ATP2C1: variants seen among roughly 807,000 people sequenced by gnomAD.
ATP2C1 encodes ATPase secretory pathway Ca2+ transporting 1.
In ATP2C1, 31 loss-of-function variants were observed where a neutral mutation model predicts 120.5. That is an observed-to-expected ratio of 0.26 (90% CI 0.19 to 0.35). ATP2C1 has a LOEUF of 0.35. ATP2C1 is among the 10% of genes least tolerant of loss of function. ATP2C1 has a pLI of 1.00. For synonymous variants in ATP2C1, 351 were observed against 358.7 expected (o/e 0.98, Z 0.24); for missense variants, 731 against 1,107.5 (o/e 0.66, Z 4.83).
At chr3:130,897,435 G>T (rs1229847454) in intron 2 of ATP2C1, among the ~76,000 whole-genome samples, 1 of 152,194 alleles carries the variant, frequency 6.6e-6, no homozygotes, top group African/African-American at 2.4e-5. Flanking sequence ...GTTGATGTGA[G>T]TAATAAATGA....
At chr3:130,879,030 T>C (rs987318653) in intron 1 of ATP2C1, among the ~76,000 whole-genome samples, 1 of 152,156 alleles carries the variant, frequency 6.6e-6, no homozygotes, top group Non-Finnish European at 1.5e-5. Context: ...TAAGTATTGT[T>C]TATTTCATAC....
Position 130,894,462 on chromosome 3 carries a change from G to A in ATP2C1, c.-181+125G>A, listed in dbSNP as rs1205610485. ...GGCGCCGCCCCGCTGGCGTGAGCTG[G>A]GGACGTTGCGGGCACACGACGGGGC... On this transcript the variant is annotated intron_variant, in intron 1 of 27. Coordinates refer to ENST00000510168, the MANE Select transcript of ATP2C1 (RefSeq NM_001378687.1). This position sits in a 1 kb window ranked among gnomAD's most constrained non-coding sequence, Gnocchi z 4.5. 1 of 1,349,026 alleles carries A rather than the reference G, an allele frequency of 7.4e-7. No individual in the cohort carries two copies. Among genetic ancestry groups the A allele is most frequent in the Non-Finnish European group, 9.6e-7 (1 of 1,047,026 alleles). 83.6% of individuals were successfully genotyped at this position (1,349,026 alleles called of 1,614,324 possible). A position where few individuals can be genotyped will look rare whatever the true frequency, so the allele number is the denominator to read the frequency against.
intron 1 of ATP2C1, among the ~76,000 whole-genome samples, chr3:130,853,197 C>T (rs1300611532): frequency 6.6e-6 from 1 of 152,040 alleles, no homozygotes; most frequent in Non-Finnish European, 1.5e-5. Flanking sequence ...AAAAGCAAAA[C>T]AGTATTAAAT....
chr3:130,879,003 A>G (rs1318651370), intron 1 of ATP2C1, among the ~76,000 whole-genome samples: 1 of 152,154 alleles, frequency 6.6e-6, no homozygotes, highest in East Asian at 1.9e-4. Flanking sequence ...TACACTTTCT[A>G]GCTATTTGAA....
Position 130,929,934 on chromosome 3 carries a change from CTTG to C in ATP2C1, c.7-477_7-475del, listed in dbSNP as rs532143669. The C allele has an allele frequency of 7.4e-4, 171 of 230,500 alleles. 3 individuals carry two copies. In the South Asian group the frequency reaches 9.9e-3, roughly 13 times the overall value. The allele number at this position is 230,500 out of a possible 1,614,324, so 14.3% of individuals were successfully genotyped here. ...TTTGTGAATAGCTCTTAAAGTCTGA[CTTG>C]TTGTCATGGTGCGTTGAAAGAGTAG... On this transcript the variant is annotated intron_variant, in intron 2 of 27. Transcript: ENST00000510168.
chr3:130,941,367 G>T (rs2059912910), intron 7 of ATP2C1, among the ~76,000 whole-genome samples: 1 of 152,112 alleles, frequency 6.6e-6, no homozygotes, highest in Non-Finnish European at 1.5e-5. Flanking sequence ...ACAGACCCAG[G>T]TGATTCAAAA....
chr3:130,884,061 C>T (rs1211965490), intron 1 of ATP2C1, among the ~76,000 whole-genome samples: 2 of 151,642 alleles, frequency 1.3e-5, no homozygotes, highest in Non-Finnish European at 2.9e-5. Context: ...CCCACCTCAG[C>T]CTCCCGAGTA....
At chr3:131,013,625 A>T (rs1011375458) in intron 26 of ATP2C1, among the ~76,000 whole-genome samples, 14 of 152,220 alleles carry the variant, frequency 9.2e-5, no homozygotes, top group African/African-American at 3.1e-4. Flanking sequence ...TCTGTCTGGC[A>T]TCCTCACTTC....
At chr3:130,888,470 A>G (rs1374373530) in intron 1 of ATP2C1, among the ~76,000 whole-genome samples, 1 of 152,234 alleles carries the variant, frequency 6.6e-6, no homozygotes, top group Non-Finnish European at 1.5e-5. Context: ...ACTTTGGCCT[A>G]TGGTGGTGAG....
At chr3:130,937,767 CTTT>C (rs1559946730) in intron 6 of ATP2C1, among the ~76,000 whole-genome samples, 1 of 152,046 alleles carries the variant, frequency 6.6e-6, no homozygotes, top group Non-Finnish European at 1.5e-5. Flanking sequence ...CAGCAGTAAA[CTTT>C]TTTATTTTTT....
intron 10 of ATP2C1, chr3:130,955,648 C>T (rs910562427): frequency 5.7e-6 from 1 of 176,076 alleles, no homozygotes; most frequent in South Asian, 1.3e-4. Context: ...AAAGTGGGAA[C>T]TCATTCCAAG....
chr3:130,890,314 C>T (rs1307017727), upstream of ATP2C1, among the ~76,000 whole-genome samples: 1 of 152,220 alleles, frequency 6.6e-6, no homozygotes, highest in African/African-American at 2.4e-5. Context: ...GACTCACACT[C>T]ACTTTGCTCT....
intron 12 of ATP2C1, among the ~76,000 whole-genome samples, chr3:130,962,715 T>TAAAAAAAAAAAAAAAAAAAA (rs71133621): frequency 6.1e-5 from 7 of 114,200 alleles, no homozygotes; most frequent in East Asian, 2.4e-4. Context: ...ATGGAAGCAT[T>TAAAAAAAAAAAAAAAAAAAA]AAAAAAAAAA....
intron 25 of ATP2C1, 99 bp from the exon 26 acceptor site, chr3:130,998,195 C>A: frequency 3.5e-5 from 28 of 806,302 alleles, no homozygotes; most frequent in Non-Finnish European, 3.7e-5. Flanking sequence ...AAAGTTATTT[C>A]TTCCTAATGG....
At position 130,996,692 on chromosome 3, in the gene ATP2C1, A is replaced by G; in HGVS notation, c.2139A>G (p.Ala713=). ...VRFQLSTSIA[A]LTLISLATLM... ...TCTTTTTCAACAGGAGTATAGCAGC[A>G]TTAACTTTAATCTCATTGGCTACAT... is the stretch of plus-strand genomic sequence containing the variant. The change falls in exon 24 of 28, where the codon GCA becomes GCG. Residue 713 remains alanine, a synonymous_variant. Transcript: ENST00000510168. The G allele has an allele frequency of 6.2e-7, 1 of 1,602,858 alleles. No homozygotes were observed. The highest frequency in any genetic ancestry group is 8.5e-7 in the Non-Finnish European group (1 of 1,169,806).
chr3:130,926,859 G>GC (rs369229195), intron 2 of ATP2C1, among the ~76,000 whole-genome samples: 18 of 152,318 alleles, frequency 1.2e-4, no homozygotes, highest in African/African-American at 4.3e-4. Flanking sequence ...GGTTTTGGTT[G>GC]CCCAGTAGTA....
At chr3:130,960,252 C>T (rs2060760927) in intron 12 of ATP2C1, among the ~76,000 whole-genome samples, 1 of 152,172 alleles carries the variant, frequency 6.6e-6, no homozygotes, top group Admixed American at 6.5e-5. Flanking sequence ...ACATCTGATA[C>T]CTGTGCCCTG....
Position 130,894,724 on chromosome 3 carries a change from A to T in ATP2C1, c.-46A>T. 1 of 1,614,152 alleles carries T rather than the reference A, an allele frequency of 6.2e-7. No homozygotes were observed. Among genetic ancestry groups the T allele is most frequent in the Non-Finnish European group, 8.5e-7 (1 of 1,180,014 alleles). ...TATTCCCAGTGTGGCCGTGGCTGAC[A>T]CTAAAGACTTTGTAGCCATCAACCC... On this transcript the variant is annotated 5_prime_UTR_variant, in exon 2 of 28. Coordinates refer to ENST00000510168, the MANE Select transcript of ATP2C1 (RefSeq NM_001378687.1). The surrounding 1 kb of genome is among the most constrained non-coding windows in gnomAD (Gnocchi z 4.5).
chr3:130,869,296 C>T (rs1392795582), intron 1 of ATP2C1: 1 of 167,726 alleles, frequency 6.0e-6, no homozygotes, highest in African/African-American at 2.5e-5. Context: ...TGCGGAAGGC[C>T]GCAGGGTCCT....
Sources: allele counts gnomAD v4.1 joint callset (sites outside exome capture counted in the v4.1 genomes callset), GRCh38; gene constraint gnomAD v4.1.1; non-coding constraint Gnocchi (gnomAD v3.1); transcripts MANE v1.5; gene names NCBI Gene and HGNC (gene_info 2026-07-23, HGNC 2026-07-21).